The following HS1BP3 variants were observed in gnomAD, a reference collection of about 807,000 sequenced individuals.
The protein encoded by HS1BP3 is HCLS1-binding protein 3.
In HS1BP3, 32 loss-of-function variants were observed where a neutral mutation model predicts 33.5. The ratio of observed to expected loss-of-function variants is 0.95; its 90% confidence interval spans 0.72 to 1.28. The LOEUF (loss-of-function observed/expected upper bound fraction) is 1.28. HS1BP3 is among the 50% of genes most tolerant of loss of function. HS1BP3 has a pLI of 0.00. For missense variants in HS1BP3, 486 were observed against 502.3 expected (o/e 0.97, Z 0.31); for synonymous variants, 187 against 209.2 (o/e 0.89, Z 0.92).
intron 5 of HS1BP3, among the ~76,000 whole-genome samples, chr2:20,566,960 C>T (rs1190508438): frequency 6.6e-6 from 1 of 152,010 alleles, no homozygotes; most frequent in Non-Finnish European, 1.5e-5. Context: ...CCCTTCTAGC[C>T]CCTGAACCCC....
At chr2:20,614,846 G>C (rs930955061), downstream of HS1BP3, among the ~76,000 whole-genome samples, 87 of 152,254 alleles carry the variant, frequency 5.7e-4, no homozygotes, top group African/African-American at 1.9e-3. Context: ...TGTAGCTTTA[G>C]CCTGAGCATG....
chr2:20,610,833 C>A (rs558740755), intron 2 of HS1BP3, among the ~76,000 whole-genome samples: 1 of 152,312 alleles, frequency 6.6e-6, no homozygotes, highest in Admixed American at 6.5e-5. Flanking sequence ...CGCGTATAAT[C>A]AAATGTTCCC....
intron 5 of HS1BP3, among the ~76,000 whole-genome samples, chr2:20,562,946 C>T (rs1406035327): frequency 2.6e-5 from 4 of 152,182 alleles, no homozygotes; most frequent in Admixed American, 2.6e-4. Flanking sequence ...CCAACCTCCC[C>T]GCTCCCCAGT....
downstream of HS1BP3, among the ~76,000 whole-genome samples, chr2:20,616,851 G>C (rs976604627): frequency 7.9e-5 from 12 of 152,184 alleles, no homozygotes; most frequent in Non-Finnish European, 1.6e-4. Context: ...ACAGGCACAG[G>C]CTTTATCAGG....
At chr2:20,566,382 C>G (rs1440209695) in intron 5 of HS1BP3, among the ~76,000 whole-genome samples, 2 of 152,224 alleles carry the variant, frequency 1.3e-5, no homozygotes, top group African/African-American at 2.4e-5. Flanking sequence ...ACTCCCAGCT[C>G]TCAGCATTTC....
intron 4 of HS1BP3, among the ~76,000 whole-genome samples, chr2:20,627,611 T>G (rs1694826921): frequency 6.6e-6 from 1 of 152,194 alleles, no homozygotes; most frequent in Non-Finnish European, 1.5e-5. Flanking sequence ...ATGTTTGCCC[T>G]TTTGTTGTCC....
At chr2:20,644,006 A>T (rs11096682) in intron 2 of HS1BP3, among the ~76,000 whole-genome samples, 37,501 of 152,100 alleles carry the variant, frequency 0.25, 5,109 homozygotes, top group South Asian at 0.47. Context: ...CACCAGAAAG[A>T]TGCAACTCAT....
intron 2 of HS1BP3, among the ~76,000 whole-genome samples, chr2:20,641,923 C>A (rs1349480619): frequency 6.6e-6 from 1 of 152,214 alleles, no homozygotes; most frequent in East Asian, 1.9e-4. Flanking sequence ...CAGAGACACC[C>A]CAGCAGGCTC....
At chr2:20,590,615 C>T (rs1693790900), downstream of HS1BP3, among the ~76,000 whole-genome samples, 1 of 152,242 alleles carries the variant, frequency 6.6e-6, no homozygotes, top group African/African-American at 2.4e-5. Flanking sequence ...CAGGTCCTCT[C>T]ATAGGCAGAG....
chr2:20,618,607 G>A lies in HS1BP3; in HGVS notation c.*380C>T, dbSNP rs1386426069. ...CCCAGTTTGGGTCTGTGCTGGGGCT[G>A]GCAGAACCCGTGGGCATGAAGCTTC... On this transcript the variant is annotated 3_prime_UTR_variant, in exon 7 of 7. Transcript: ENST00000304031. 2.6e-6 allele frequency: 2 copies of A among 758,598 alleles called. No homozygotes were observed. The highest frequency in any genetic ancestry group is 3.8e-4 in the Middle Eastern group (1 of 2,608). The allele number at this position is 758,598 out of a possible 1,614,324, so 47.0% of individuals were successfully genotyped here.
intron 2 of HS1BP3, among the ~76,000 whole-genome samples, chr2:20,609,280 G>A (rs760884135): frequency 6.6e-6 from 1 of 152,178 alleles, no homozygotes; most frequent in Admixed American, 6.5e-5. Flanking sequence ...TGCCACATGA[G>A]AACCCACAGC....
At chr2:20,561,386 T>C (rs552030758) in intron 5 of HS1BP3, among the ~76,000 whole-genome samples, 28 of 152,312 alleles carry the variant, frequency 1.8e-4, no homozygotes, top group African/African-American at 6.5e-4. Context: ...AATGGGTTAA[T>C]AGACAAAAGA....
At chr2:20,638,287 C>A in intron 4 of HS1BP3, 149 bp downstream of exon 4, 1 of 698,420 alleles carries the variant, frequency 1.4e-6, no homozygotes, top group South Asian at 1.9e-5. Flanking sequence ...CTTCCCCCAA[C>A]ACACCAGGCC....
At chr2:20,562,960 C>A (rs1172962326) in intron 5 of HS1BP3, among the ~76,000 whole-genome samples, 1 of 152,214 alleles carries the variant, frequency 6.6e-6, no homozygotes, top group African/African-American at 2.4e-5. Flanking sequence ...CCCCAGTACG[C>A]GACACCAGTA....
intron 5 of HS1BP3, among the ~76,000 whole-genome samples, chr2:20,584,358 G>A (rs1693630354): frequency 6.6e-6 from 1 of 152,188 alleles, no homozygotes; most frequent in Admixed American, 6.5e-5. Context: ...GGACTGGGGT[G>A]TGCCGGTCCC....
intron 4 of HS1BP3, among the ~76,000 whole-genome samples, chr2:20,627,255 C>T (rs1055798900): frequency 1.3e-5 from 2 of 152,236 alleles, no homozygotes; most frequent in African/African-American, 4.8e-5. Flanking sequence ...GCAGCCTCCC[C>T]CAGCAGCAGC....
At chr2:20,576,098 C>T (rs1367230596) in intron 5 of HS1BP3, among the ~76,000 whole-genome samples, 2 of 152,170 alleles carry the variant, frequency 1.3e-5, no homozygotes, top group African/African-American at 4.8e-5. Flanking sequence ...CCTGTTTTAG[C>T]CTCCCAAGTA....
intron 4 of HS1BP3, among the ~76,000 whole-genome samples, chr2:20,628,915 C>T (rs902722594): frequency 3.9e-5 from 6 of 152,158 alleles, no homozygotes; most frequent in Admixed American, 1.3e-4. Flanking sequence ...TTGCAGCAGA[C>T]GTAGTGCCAT....
intron 2 of HS1BP3, among the ~76,000 whole-genome samples, chr2:20,601,767 C>CT (rs1317083474): frequency 1.6e-4 from 10 of 63,672 alleles, no homozygotes; most frequent in African/African-American, 4.1e-4. Context: ...TCAAGTGTGT[C>CT]TTCTTTTTTT....
Sources: gnomAD v4.1 joint callset for allele counts (sites outside exome capture counted in the v4.1 genomes callset) on GRCh38, gnomAD v4.1.1 for gene constraint, MANE v1.5 for transcripts, NCBI Gene and HGNC (gene_info 2026-07-23, HGNC 2026-07-21) for gene names.